The following PLAUR variants were observed in gnomAD, a reference collection of about 807,000 sequenced individuals.
The protein encoded by PLAUR is urokinase plasminogen activator surface receptor.
Under a neutral mutation model 33.4 loss-of-function variants are expected in PLAUR, and 22 were observed. That is an observed-to-expected ratio of 0.66 (90% confidence interval 0.47 to 0.94). The LOEUF is 0.94. Among genes scored for constraint, PLAUR ranks in the 40% least tolerant of loss-of-function variants. The pLI is 0.00. For synonymous variants in PLAUR, 148 were observed against 167.3 expected, an observed-to-expected ratio of 0.88 and a Z score of 0.89; for missense variants, 408 against 434.7, an observed-to-expected ratio of 0.94 and a Z score of 0.55.
At position 43,654,990 on chromosome 19, in the gene PLAUR, G is replaced by T. The variant is rs1396369499; in HGVS notation, c.607+449C>A. On this transcript the variant is annotated intron_variant, in intron 5 of 6. Coordinates refer to ENST00000340093, the MANE Select transcript of PLAUR (RefSeq NM_002659.4). ...TTACGAAGTTCTTCTTTGAAGAAAG[G>T]CCTGGCTGGGTGCAGTGGCTCATGC... Among the ~76,000 whole-genome samples the T allele has an allele frequency of 2.6e-5, 4 of 151,912 alleles. No homozygotes were observed. In the East Asian group the frequency reaches 7.8e-4, roughly 29 times the overall value.
chr19:43,667,677 G>C lies in PLAUR; in HGVS notation c.70C>G (p.Arg24Gly), dbSNP rs1440769600. The C allele has an allele frequency of 6.2e-7, 1 of 1,613,526 alleles. No individual in the cohort carries two copies. The highest frequency in any genetic ancestry group is 8.5e-7 in the Non-Finnish European group (1 of 1,179,710). ...CCGTTGGTCTTACACTGCATGCACC[G>C]CAGGCCCCAAGAGGCTGGGGGAAGG... ...HTCVPASWGLRCMQCKTNGDC... is the reference protein window; with the variant it reads ...HTCVPASWGLGCMQCKTNGDC... Residue 24 changes from arginine (R) to glycine (G), a missense_variant, in exon 2 of 7, where the codon CGG (arginine) becomes GGG (glycine). Coordinates refer to ENST00000340093, the MANE Select transcript of PLAUR (RefSeq NM_002659.4).
chr19:43,664,979 G>A (rs1357065748), intron 3 of PLAUR: 1 of 314,992 alleles, frequency 3.2e-6, no homozygotes, highest in African/African-American at 2.1e-5. Context: ...GTGTCGTTGG[G>A]GTGGGGATTT....
At chr19:43,663,845 A>G (rs4251837) in intron 3 of PLAUR, among the ~76,000 whole-genome samples, 2,063 of 151,940 alleles carry the variant, frequency 0.014, 45 homozygotes, top group African/African-American at 0.046. Flanking sequence ...AAAGAAAGAA[A>G]AAAGAAAAGA....
intron 6 of PLAUR, among the ~76,000 whole-genome samples, chr19:43,650,008 C>CTTTTTTTT (rs200384971): frequency 2.9e-5 from 4 of 137,308 alleles, no homozygotes; most frequent in Non-Finnish European, 4.5e-5. Flanking sequence ...TCTCATTACG[C>CTTTTTTTT]TTTTTTTTTG....
chr19:43,648,618 A>T lies in PLAUR; in HGVS notation c.*272T>A. ...ATCTTTATGTAAGTATAAAATAAAT[A>T]ATATGAATATTAATTAATAACAACA... On this transcript the variant is annotated 3_prime_UTR_variant, in exon 7 of 7. Coordinates refer to ENST00000340093, the MANE Select transcript of PLAUR (RefSeq NM_002659.4). 1.2e-6 allele frequency: 1 copy of T among 852,018 alleles called. No homozygotes were observed. Among genetic ancestry groups the T allele is most frequent in the Non-Finnish European group, 1.5e-6 (1 of 661,942 alleles). 52.8% of individuals were successfully genotyped at this position (852,018 alleles called of 1,614,324 possible).
chr19:43,661,774 TTGG>T (rs1479101036), intron 3 of PLAUR, among the ~76,000 whole-genome samples: 12 of 152,220 alleles, frequency 7.9e-5, no homozygotes, highest in Non-Finnish European at 1.8e-4. Flanking sequence ...GCAACTGTCA[TTGG>T]CAGAAGGGTT....
intron 1 of PLAUR, chr19:43,668,026 C>T: frequency 1.8e-6 from 2 of 1,122,602 alleles, no homozygotes; most frequent in Non-Finnish European, 2.2e-6. Context: ...ATTCCTGCTC[C>T]TATTAGGTCT....
At chr19:43,668,738 A>C (rs344782) in intron 1 of PLAUR, among the ~76,000 whole-genome samples, 79,154 of 148,486 alleles carry the variant, frequency 0.53, 20,864 homozygotes, top group Admixed American at 0.55. Context: ...GCCCCTCAAG[A>C]GTCTAGTCCC....
At chr19:43,651,774 A>G in intron 6 of PLAUR, 3 of 988,976 alleles carry the variant, frequency 3.0e-6, no homozygotes, top group Non-Finnish European at 3.6e-6. Flanking sequence ...TTGAGACCAA[A>G]AAGTTTGAGA....
downstream of PLAUR, chr19:43,646,350 A>T (rs1158603253): frequency 3.1e-6 from 2 of 648,472 alleles, no homozygotes; most frequent in Admixed American, 2.8e-5. Flanking sequence ...TTTCTTCTCT[A>T]TATCACATCT....
rs1974211330 is a variant in PLAUR, at chr19:43,656,425, G to C, written c.472+54C>G. On this transcript the variant is annotated intron_variant, in intron 4 of 6. Coordinates refer to ENST00000340093, the MANE Select transcript of PLAUR (RefSeq NM_002659.4). ...ACTTTGGGGTTGTTTGTTAAGTGCA[G>C]TCTTAGGGAGGAGCAGAGCAGGGAG... 1.5e-5 allele frequency: 22 copies of C among 1,497,538 alleles called. No homozygotes were observed. In the Admixed American group the frequency reaches 1.5e-4, roughly 10 times the overall value. The allele number at this position is 1,497,538 out of a possible 1,614,324, so 92.8% of individuals were successfully genotyped here.
chr19:43,655,472 A>G lies in PLAUR; in HGVS notation c.574T>C (p.Cys192Arg). 2 of 1,614,136 alleles carry G rather than the reference A, an allele frequency of 1.2e-6. No individual in the cohort carries two copies. The highest frequency in any genetic ancestry group is 1.7e-6 in the Non-Finnish European group (2 of 1,180,022). ...HNNDTFHFLK[C>R]CNTTKCNEGP... ...TCGTTGCATTTGGTGGTGTTGCAGC[A>G]TTTCAGGAAGTGGAAGGTGTCGTTG... Residue 192 changes from cysteine to arginine, a missense_variant, in exon 5 of 7, where the codon TGC becomes CGC. Transcript: ENST00000340093.
intron 5 of PLAUR, among the ~76,000 whole-genome samples, chr19:43,654,842 A>C (rs1019186353): frequency 9.2e-5 from 14 of 152,150 alleles, no homozygotes; most frequent in African/African-American, 3.4e-4. Flanking sequence ...AACCTGGGCA[A>C]GAAGTCAGCG....
intron 3 of PLAUR, 57 bp from the exon 4 acceptor site, chr19:43,656,697 G>T: frequency 7.1e-7 from 1 of 1,415,814 alleles, no homozygotes; most frequent in Non-Finnish European, 9.6e-7. Flanking sequence ...TGGAGCCCCA[G>T]CTCTGCAAGG....
intron 2 of PLAUR, 132 bp downstream of exon 2, chr19:43,667,449 G>A (rs1967303915): frequency 7.6e-6 from 5 of 655,542 alleles, no homozygotes; most frequent in South Asian, 7.0e-5. Flanking sequence ...TGCCAATCTG[G>A]TGGGTGTGAA....
Position 43,670,168 on chromosome 19 carries a change from CT to C in PLAUR, c.-49del, listed in dbSNP as rs1278705177. 2.1e-5 allele frequency: 34 copies of C among 1,586,384 alleles called. No individual in the cohort carries two copies. On this transcript the variant is annotated 5_prime_UTR_variant, in exon 1 of 7. Transcript: ENST00000340093. ...GCGGGGTCCCTGCACGTCTTCTCTCCTTCTGGCCTCAGGAAGGAGGCAGTTT... is the reference window on the plus strand; with the variant it reads ...GCGGGGTCCCTGCACGTCTTCTCTCCTCTGGCCTCAGGAAGGAGGCAGTTT...
downstream of PLAUR, chr19:43,646,374 G>A (rs991706836): frequency 4.3e-6 from 3 of 696,942 alleles, no homozygotes; most frequent in Admixed American, 2.2e-5. Flanking sequence ...GGGGCTACAT[G>A]TCCAAGGTGG....
chr19:43,670,031 G>C (rs1215086748), intron 1 of PLAUR, 35 bp downstream of exon 1: 5 of 1,609,194 alleles, frequency 3.1e-6, no homozygotes, highest in Non-Finnish European at 8.5e-7. Context: ...ATTAGACCCT[G>C]TTCCAGGCGC....
Position 43,665,425 on chromosome 19 carries a change from A to G in PLAUR, c.201T>C (p.Cys67=). 1.9e-6 allele frequency: 3 copies of G among 1,613,274 alleles called. No individual in the cohort carries two copies. Among genetic ancestry groups the G allele is most frequent in the Non-Finnish European group, 2.5e-6 (3 of 1,179,882 alleles). The change falls in exon 3 of 7, where the codon TGT becomes TGC. Residue 67 remains cysteine, a synonymous_variant. Coordinates refer to ENST00000340093, the MANE Select transcript of PLAUR (RefSeq NM_002659.4). ...TCCTGTTGGTCTTCTCTGAGTGGGT[A>G]CAGCTTTTCTCCACCAGCTCCAGCT... ...GEELELVEKS[C]THSEKTNRTL...
Sources: gnomAD v4.1 joint callset for allele counts (sites outside exome capture counted in the v4.1 genomes callset) on GRCh38, gnomAD v4.1.1 for gene constraint, MANE v1.5 for transcripts, NCBI Gene and HGNC (gene_info 2026-07-23, HGNC 2026-07-21) for gene names.